The following KCNH8 variants were observed in gnomAD, a reference collection of about 807,000 sequenced individuals.
KCNH8 encodes potassium voltage-gated channel subfamily H member 8, also known as voltage-gated delayed rectifier potassium channel KCNH8.
In KCNH8, 70 loss-of-function variants were observed where a neutral mutation model predicts 103.6. That is an observed-to-expected ratio of 0.68 (90% CI 0.56 to 0.82). KCNH8 has a LOEUF of 0.82. KCNH8 is among the 40% of genes least tolerant of loss of function. The pLI is 0.00. For synonymous variants in KCNH8, 498 were observed against 489.4 expected, an observed-to-expected ratio of 1.02 and a Z score of -0.23; for missense variants, 1,217 against 1,329.9, an observed-to-expected ratio of 0.92 and a Z score of 1.32.
chr3:19,444,694 C>A (rs1466546536), intron 8 of KCNH8, among the ~76,000 whole-genome samples: 1 of 150,264 alleles, frequency 6.7e-6, no homozygotes, highest in Non-Finnish European at 1.5e-5. Context: ...TTGAAAAAAA[C>A]ACCTCAGAAG....
Position 19,534,203 on chromosome 3 carries a change from G to A in KCNH8, c.*104G>A. The A allele has an allele frequency of 1.3e-6, 1 of 789,192 alleles. No individual in the cohort carries two copies. Among genetic ancestry groups the A allele is most frequent in the Non-Finnish European group, 2.0e-6 (1 of 495,342 alleles). 48.9% of individuals were successfully genotyped at this position (789,192 alleles called of 1,614,324 possible). On this transcript the variant is annotated 3_prime_UTR_variant, in exon 16 of 16. Transcript: ENST00000328405. ...GGGCATGAAGACTGAGCAAAGCTGG[G>A]AATCCTGCAGAAAAGAGTGTGAGGA... is the stretch of plus-strand genomic sequence containing the variant.
Position 19,148,679 on chromosome 3 carries a change from T to C in KCNH8, c.-41T>C, listed in dbSNP as rs771417236. 1.2e-5 allele frequency: 19 copies of C among 1,595,246 alleles called. No homozygotes were observed. The highest frequency in any genetic ancestry group is 1.7e-5 in the Admixed American group (1 of 59,994). On this transcript the variant is annotated 5_prime_UTR_variant, in exon 1 of 16. Transcript: ENST00000328405. ...GCACTTTCCTTTCGAACCATCCTTC[T>C]GGACAAACTTTGATGGAGAATTTCA...
chr3:19,264,054 A>C (rs1241153785), intron 2 of KCNH8, among the ~76,000 whole-genome samples: 2 of 152,040 alleles, frequency 1.3e-5, no homozygotes, highest in East Asian at 3.9e-4. Context: ...GCATGCCCTC[A>C]AATAGAAAGC....
At chr3:19,463,892 G>C (rs1267415491) in intron 11 of KCNH8, among the ~76,000 whole-genome samples, 2 of 152,102 alleles carry the variant, frequency 1.3e-5, no homozygotes, top group Non-Finnish European at 1.5e-5. Flanking sequence ...ACAGAATTCT[G>C]TATAGCAGTG....
intron 5 of KCNH8, among the ~76,000 whole-genome samples, chr3:19,372,759 A>G (rs2066120930): frequency 6.6e-6 from 1 of 152,112 alleles, no homozygotes; most frequent in Admixed American, 6.6e-5. Flanking sequence ...TGTCATAGAT[A>G]GCTCTTATTA....
intron 3 of KCNH8, among the ~76,000 whole-genome samples, chr3:19,294,208 A>C (rs565445639): frequency 6.6e-6 from 1 of 152,262 alleles, no homozygotes; most frequent in East Asian, 1.9e-4. Context: ...TTTGGTCAAA[A>C]TTTTGAAGAT....
intron 1 of KCNH8, among the ~76,000 whole-genome samples, chr3:19,151,061 C>T (rs1050169368): frequency 6.6e-6 from 1 of 151,432 alleles, no homozygotes; most frequent in Admixed American, 6.6e-5. Context: ...TAATCTGAAA[C>T]TTAAAATACC....
At chr3:19,413,155 G>A (rs1197749882) in intron 7 of KCNH8, among the ~76,000 whole-genome samples, 1 of 144,670 alleles carries the variant, frequency 6.9e-6, no homozygotes, top group Non-Finnish European at 1.5e-5. Flanking sequence ...TAAAGAAAAT[G>A]TAGTAAATAA....
intron 5 of KCNH8, among the ~76,000 whole-genome samples, chr3:19,353,802 C>G (rs974461762): frequency 6.6e-6 from 1 of 152,160 alleles, no homozygotes; most frequent in African/African-American, 2.4e-5. Context: ...ACACTGGAAG[C>G]ATTCCCTTTG....
intron 5 of KCNH8, among the ~76,000 whole-genome samples, chr3:19,355,561 G>T (rs563007283): frequency 5.3e-5 from 8 of 152,140 alleles, no homozygotes; most frequent in East Asian, 1.9e-4. Flanking sequence ...CCATAAAAAA[G>T]GATGAGTTCA....
chr3:19,385,687 C>T (rs2066347184), intron 5 of KCNH8, among the ~76,000 whole-genome samples: 1 of 152,158 alleles, frequency 6.6e-6, no homozygotes. Context: ...TTATTAGTCC[C>T]TCAAGCCTCT....
chr3:19,467,821 C>G (rs577000373), intron 11 of KCNH8, among the ~76,000 whole-genome samples: 2 of 152,304 alleles, frequency 1.3e-5, no homozygotes, highest in South Asian at 4.1e-4. Flanking sequence ...TCATAACTTT[C>G]AAGGTTCTAA....
chr3:19,410,149 A>C (rs1301336142), intron 7 of KCNH8, among the ~76,000 whole-genome samples: 1 of 152,134 alleles, frequency 6.6e-6, no homozygotes, highest in East Asian at 1.9e-4. Flanking sequence ...TACTTGAATA[A>C]GTCTCAATAA....
rs146211431 is a variant in KCNH8, at chr3:19,492,913, G to A, written c.2041-17450G>A. Among the ~76,000 whole-genome samples the A allele has an allele frequency of 8.0e-3, 1,151 of 143,580 alleles. 13 individuals carry two copies. Among genetic ancestry groups the A allele is most frequent in the South Asian group, 0.022 (95 of 4,258 alleles). The allele number at this position is 143,580 out of a possible 152,430, so 94.2% of individuals were successfully genotyped here. A position where few individuals can be genotyped will look rare whatever the true frequency, so the allele number is the denominator to read the frequency against. On this transcript the variant is annotated intron_variant, in intron 11 of 15. Coordinates refer to ENST00000328405, the MANE Select transcript of KCNH8 (RefSeq NM_144633.3). ...TTCTGACTTCTTTCACAAGACTTTC[G>A]TAATTTTCCATGTAGAGATCCTCCA... is the stretch of plus-strand genomic sequence containing the variant.
At chr3:19,473,058 A>C (rs1015935116) in intron 11 of KCNH8, among the ~76,000 whole-genome samples, 1 of 152,184 alleles carries the variant, frequency 6.6e-6, no homozygotes, top group Non-Finnish European at 1.5e-5. Context: ...AGGGAACTGA[A>C]TATCCAAGTA....
chr3:19,499,015 C>T lies in KCNH8; in HGVS notation c.2041-11348C>T, dbSNP rs531905477. 5.3e-5 allele frequency among the ~76,000 whole-genome samples: 8 copies of T among 152,066 alleles called. No individual in the cohort carries two copies. The South Asian group carries it at 1.7e-3, about 32-fold the overall frequency. On this transcript the variant is annotated intron_variant, in intron 11 of 15. Coordinates refer to ENST00000328405, the MANE Select transcript of KCNH8 (RefSeq NM_144633.3). Reference sequence around the variant, plus strand: ...GATGGCTATGGGAGGACATTCAAATCAAAGGAAAAGAAGTTGAGAACTTTG... The same window carrying T: ...GATGGCTATGGGAGGACATTCAAATTAAAGGAAAAGAAGTTGAGAACTTTG...
chr3:19,323,320 G>A (rs1474106370), intron 3 of KCNH8, among the ~76,000 whole-genome samples: 2 of 151,940 alleles, frequency 1.3e-5, no homozygotes, highest in Non-Finnish European at 2.9e-5. Flanking sequence ...GTGGTGGTGG[G>A]CACCTGTAGT....
At chr3:19,433,298 A>G (rs187295466) in intron 7 of KCNH8, among the ~76,000 whole-genome samples, 6 of 152,300 alleles carry the variant, frequency 3.9e-5, no homozygotes, top group African/African-American at 7.2e-5. Context: ...TGATACATAC[A>G]TGAGAATGTG....
chr3:19,510,497 T>A (rs2068765301), intron 12 of KCNH8, 96 bp downstream of exon 12: 5 of 809,686 alleles, frequency 6.2e-6, no homozygotes, highest in Non-Finnish European at 1.1e-5. Context: ...CATGTATTTA[T>A]CTTTTACTTT....
Sources: gnomAD v4.1 joint callset for allele counts (sites outside exome capture counted in the v4.1 genomes callset) on GRCh38, gnomAD v4.1.1 for gene constraint, MANE v1.5 for transcripts, NCBI Gene and HGNC (gene_info 2026-07-23, HGNC 2026-07-21) for gene names.